Variants in COPS7B observed in about 807,000 individuals in gnomAD.
COPS7B encodes the protein COP9 signalosome subunit 7B, also known as COP9 signalosome complex subunit 7b.
A neutral mutation model predicts 33.4 loss-of-function variants in COPS7B; 9 were observed. The ratio of observed to expected loss-of-function variants is 0.27; its 90% CI spans 0.16 to 0.47. The LOEUF (loss-of-function observed/expected upper bound fraction) is 0.47, where lower values mean the gene tolerates loss of function less well. Ranked by LOEUF, COPS7B falls within the 20% of genes least tolerant of loss-of-function variation. The pLI, the probability that COPS7B is intolerant of heterozygous loss-of-function variation, is 0.99. For missense variants in COPS7B, 242 were observed against 318.2 expected (o/e 0.76, Z 1.82); for synonymous variants, 119 against 126.3 (o/e 0.94, Z 0.39).
intron 3 of COPS7B, chr2:231,793,406 T>A (rs2049476400): frequency 6.6e-6 from 1 of 152,300 alleles, no homozygotes; most frequent in Admixed American, 6.5e-5. Flanking sequence ...GAATTATCGT[T>A]AAGGAATTGA....
chr2:231,801,936 A>G (rs964749138), intron 6 of COPS7B, among the ~76,000 whole-genome samples: 1 of 151,842 alleles, frequency 6.6e-6, no homozygotes, highest in Non-Finnish European at 1.5e-5. Flanking sequence ...CACCACGCCC[A>G]GCTAATTTTT....
chr2:231,781,760 T>G, upstream of COPS7B: 2 of 1,409,038 alleles, frequency 1.4e-6, no homozygotes, highest in Non-Finnish European at 2.0e-6. Context: ...CCCGCTGAGT[T>G]GGTCGTTTCG....
At chr2:231,805,416 T>TAC (rs2049861993) in intron 6 of COPS7B, among the ~76,000 whole-genome samples, 1 of 53,236 alleles carries the variant, frequency 1.9e-5, no homozygotes, top group African/African-American at 8.9e-5. Flanking sequence ...CTGTTTATTA[T>TAC]ATATATATAT....
Position 231,789,017 on chromosome 2 carries a change from A to C in COPS7B, c.162+285A>C, listed in dbSNP as rs577027411. On this transcript the variant is annotated intron_variant, in intron 2 of 6. Transcript: ENST00000350033. ...AAATTAGAAAAGTAGTGCTGTAAGC[A>C]TGGGCTGTTTAATAGGAGTAGATTC... 2.5e-5 allele frequency: 8 copies of C among 314,586 alleles called. No individual in the cohort carries two copies. In the South Asian group the frequency reaches 3.2e-4, roughly 13 times the overall value. The allele number at this position is 314,586 out of a possible 1,614,324, so 19.5% of individuals were successfully genotyped here.
chr2:231,789,520 G>T, intron 2 of COPS7B: 1 of 153,216 alleles, frequency 6.5e-6, no homozygotes, highest in South Asian at 1.9e-4. Flanking sequence ...CATCCTCACA[G>T]GCTTCTGGCT....
chr2:231,798,773 G>T, intron 5 of COPS7B, 86 bp from the exon 6 acceptor site: 2 of 1,062,456 alleles, frequency 1.9e-6, no homozygotes, highest in African/African-American at 1.6e-5. Context: ...AGATACTGGG[G>T]AGAGCTGTTG....
chr2:231,789,215 C>T (rs1339558592), intron 2 of COPS7B: 1 of 153,444 alleles, frequency 6.5e-6, no homozygotes, highest in Non-Finnish European at 1.5e-5. Context: ...TTAGATATGA[C>T]ATGAAAAGCT....
In COPS7B at chr2:231,808,133, C is replaced by T. The variant is rs1025942021; in HGVS notation, c.*488C>T. 1.1e-4 allele frequency: 28 copies of T among 253,146 alleles called. No homozygotes were observed. Among genetic ancestry groups the T allele is most frequent in the Non-Finnish European group, 1.8e-4 (23 of 128,238 alleles). The allele number at this position is 253,146 out of a possible 1,614,324, so 15.7% of individuals were successfully genotyped here. A position where few individuals can be genotyped will look rare whatever the true frequency, so the allele number is the denominator to read the frequency against. ...ATTTCTAGCCAGGCGTCAAGATGCG[C>T]TGCTTTCCCTCTCCTGCCTCATCCC... is the stretch of plus-strand genomic sequence containing the variant. On this transcript the variant is annotated 3_prime_UTR_variant, in exon 7 of 7. Transcript: ENST00000350033.
intron 6 of COPS7B, among the ~76,000 whole-genome samples, chr2:231,806,778 T>A (rs938312668): frequency 4.6e-5 from 7 of 152,290 alleles, no homozygotes; most frequent in Admixed American, 2.6e-4. Context: ...CTTCCATAGA[T>A]GTTCACAGAA....
Position 231,788,553 on chromosome 2 carries a change from A to G in COPS7B, c.-16-2A>G, listed in dbSNP as rs199555386. The G allele has an allele frequency of 6.2e-7, 1 of 1,612,222 alleles. No homozygotes were observed. Among genetic ancestry groups the G allele is most frequent in the Admixed American group, 1.7e-5 (1 of 59,814 alleles). On this transcript the variant is annotated splice_acceptor_variant, in intron 1 of 6. Coordinates refer to ENST00000350033, the MANE Select transcript of COPS7B (RefSeq NM_022730.4). LOFTEE classifies it low-confidence loss of function (5UTR_SPLICE). ...TGACTGACACAATTTTCTTTTGGAC[A>G]GATTTCAAGGCCAGAGAATGGCAGG...
At chr2:231,805,646 T>C (rs1043825026) in intron 6 of COPS7B, among the ~76,000 whole-genome samples, 3 of 151,454 alleles carry the variant, frequency 2.0e-5, no homozygotes, top group Non-Finnish European at 4.4e-5. Context: ...TTTTCTTTTA[T>C]GTCTTTTTGT....
In COPS7B at chr2:231,808,192, C is replaced by T. The variant is rs1574688514; in HGVS notation, c.*547C>T. ...AGCTCCAGTTCAGGCCGTGGAGGGA[C>T]GTGATGCTGGGCTGTGTTTACTAAA... On this transcript the variant is annotated 3_prime_UTR_variant, in exon 7 of 7. Coordinates refer to ENST00000350033, the MANE Select transcript of COPS7B (RefSeq NM_022730.4). The T allele has an allele frequency of 1.3e-5, 4 of 306,284 alleles. No homozygotes were observed. Among genetic ancestry groups the T allele is most frequent in the South Asian group, 5.2e-5 (2 of 38,386 alleles). The allele number at this position is 306,284 out of a possible 1,614,324, so 19.0% of individuals were successfully genotyped here. A position where few individuals can be genotyped will look rare whatever the true frequency, so the allele number is the denominator to read the frequency against.
At position 231,800,088 on chromosome 2, in the gene COPS7B, A is replaced by C. The variant is rs542292446; in HGVS notation, c.636+1124A>C. On this transcript the variant is annotated intron_variant, in intron 6 of 6. Coordinates refer to ENST00000350033, the MANE Select transcript of COPS7B (RefSeq NM_022730.4). ...CACACACACACCACCCTATATACAT[A>C]TACTCTGTGGATGTTCAATTCATAG... 5.3e-5 allele frequency among the ~76,000 whole-genome samples: 8 copies of C among 152,256 alleles called. No homozygotes were observed. The South Asian group carries it at 1.7e-3, about 32-fold the overall frequency.
chr2:231,790,766 C>A (rs2049390846), intron 2 of COPS7B: 1 of 147,922 alleles, frequency 6.8e-6, no homozygotes, highest in Non-Finnish European at 1.5e-5. Context: ...GAGTCTCGCT[C>A]TGTCGCCCAG....
chr2:231,801,012 C>T, intron 6 of COPS7B: 1 of 774,648 alleles, frequency 1.3e-6, no homozygotes, highest in Non-Finnish European at 2.1e-6. Context: ...GAAAAGAAAT[C>T]TACAAAGAAT....
intron 4 of COPS7B, among the ~76,000 whole-genome samples, chr2:231,794,711 G>A (rs1402449045): frequency 6.6e-6 from 1 of 152,156 alleles, no homozygotes; most frequent in Non-Finnish European, 1.5e-5. Context: ...AGTGAACTAT[G>A]CCCATGCTGG....
rs2049938775 is a variant in COPS7B, at chr2:231,807,761, C to T, written c.*116C>T. On this transcript the variant is annotated 3_prime_UTR_variant, in exon 7 of 7. Transcript: ENST00000350033. Reference sequence around the variant, plus strand: ...AGTTCCAGACCTGCCCGTCCCCTCACCAGCGCCTCCCCACCCTGTTGGTAC... The same window carrying T: ...AGTTCCAGACCTGCCCGTCCCCTCATCAGCGCCTCCCCACCCTGTTGGTAC... The T allele has an allele frequency of 5.6e-6, 5 of 887,494 alleles. No homozygotes were observed. Among genetic ancestry groups the T allele is most frequent in the East Asian group, 5.5e-5 (2 of 36,504 alleles). The allele number at this position is 887,494 out of a possible 1,614,324, so 55.0% of individuals were successfully genotyped here.
intron 2 of COPS7B, 199 bp downstream of exon 2, chr2:231,788,931 A>T (rs1196192564): frequency 2.0e-6 from 1 of 508,230 alleles, no homozygotes; most frequent in Non-Finnish European, 3.4e-6. Flanking sequence ...TACCTTGGGT[A>T]AAATTAGATT....
At chr2:231,791,677 A>G in intron 2 of COPS7B, 56 bp from the exon 3 acceptor site, 7 of 1,451,982 alleles carry the variant, frequency 4.8e-6, no homozygotes, top group Non-Finnish European at 9.7e-7. Flanking sequence ...CTGTTTGAAC[A>G]CTACAGTGAT....
Sources: allele counts gnomAD v4.1 joint callset (sites outside exome capture counted in the v4.1 genomes callset), GRCh38; gene constraint gnomAD v4.1.1; transcripts MANE v1.5; gene names NCBI Gene and HGNC (gene_info 2026-07-23, HGNC 2026-07-21).